The following ATP11C variants were observed in gnomAD, a reference collection of about 807,000 sequenced individuals.
ATP11C encodes ATPase phospholipid transporting 11C (ATP11C blood group), also known as phospholipid-transporting ATPase IG.
ATP11C carries 36 observed loss-of-function variants against 97.4 expected under a neutral mutation model. The observed-to-expected ratio is 0.37, with a 90% CI of 0.28 to 0.49. The LOEUF is 0.49. Ranked by LOEUF, ATP11C falls within the 20% of genes least tolerant of loss-of-function variation. The pLI is 0.98. For missense variants in ATP11C, 730 were observed against 824.6 expected, an observed-to-expected ratio of 0.89 and a Z score of 1.40; for synonymous variants, 275 against 290.9, an observed-to-expected ratio of 0.95 and a Z score of 0.56.
At chrX:139,936,258 GA>G (rs2085515165), upstream of ATP11C, among the ~76,000 whole-genome samples, 1 of 111,620 alleles carries the variant, frequency 9.0e-6, no homozygotes, top group African/African-American at 3.3e-5. Flanking sequence ...ACATCCTTCA[GA>G]GTCACTCCTT....
chrX:139,905,868 C>A (rs994410350), intron 1 of ATP11C, among the ~76,000 whole-genome samples: 2 of 111,480 alleles, frequency 1.8e-5, no homozygotes, highest in Non-Finnish European at 3.8e-5. Flanking sequence ...AATGAAAATA[C>A]TTCCACTCTT....
intron 1 of ATP11C, among the ~76,000 whole-genome samples, chrX:139,838,630 T>C (rs1182873774): frequency 8.9e-6 from 1 of 112,417 alleles, no homozygotes; most frequent in African/African-American, 3.2e-5. Context: ...AACTTGTGCA[T>C]GCATGATCAT....
chrX:139,769,277 CATACATATATATATATATATATATAT>C (rs1205801762), intron 19 of ATP11C, among the ~76,000 whole-genome samples: 8 of 34,546 alleles, frequency 2.3e-4, no homozygotes, highest in Non-Finnish European at 3.5e-4. Context: ...TTGGGGCAAA[CATACATATATATATATATATATATAT>C]ATATATATAT....
chrX:139,742,631 T>G (rs1170803008), intron 26 of ATP11C, among the ~76,000 whole-genome samples: 1 of 109,738 alleles, frequency 9.1e-6, no homozygotes, highest in Non-Finnish European at 1.9e-5. Context: ...CAAAAATAAT[T>G]TGATTATGCT....
chrX:139,782,276 A>G (rs5953664), intron 18 of ATP11C, among the ~76,000 whole-genome samples: 57,327 of 105,230 alleles, frequency 0.54, 13,892 homozygotes, highest in African/African-American at 0.89. Context: ...GCAGTGAGCC[A>G]AGACCGCGCC....
intron 25 of ATP11C, among the ~76,000 whole-genome samples, chrX:139,745,256 T>A (rs1436573557): frequency 9.0e-6 from 1 of 111,249 alleles, no homozygotes; most frequent in Non-Finnish European, 1.9e-5. Context: ...TGCAGAATAC[T>A]GTGCTTCCAT....
At chrX:139,928,797 T>C (rs2085390934) in intron 1 of ATP11C, among the ~76,000 whole-genome samples, 2 of 111,905 alleles carry the variant, frequency 1.8e-5, no homozygotes, top group South Asian at 7.4e-4. Context: ...TAAGCTTTCA[T>C]GTATCAAAGG....
At chrX:139,905,475 A>C (rs1458733706) in intron 1 of ATP11C, among the ~76,000 whole-genome samples, 3 of 111,767 alleles carry the variant, frequency 2.7e-5, no homozygotes, top group Non-Finnish European at 5.6e-5. Flanking sequence ...TTTTCATTAT[A>C]TAACAATGTT....
chrX:139,740,954 C>T, intron 27 of ATP11C, 37 bp downstream of exon 27: 1 of 893,152 alleles, frequency 1.1e-6, no homozygotes, highest in Non-Finnish European at 1.6e-6. Flanking sequence ...ATCTACTTTG[C>T]TATTTACATA....
At chrX:139,880,496 G>C (rs1449960230) in intron 1 of ATP11C, among the ~76,000 whole-genome samples, 1 of 111,794 alleles carries the variant, frequency 8.9e-6, no homozygotes, top group Non-Finnish European at 1.9e-5. Flanking sequence ...TGAGGAGGAG[G>C]AGGAGGAGGA....
At chrX:139,820,567 A>G (rs2083387041) in intron 2 of ATP11C, among the ~76,000 whole-genome samples, 1 of 110,392 alleles carries the variant, frequency 9.1e-6, no homozygotes, top group South Asian at 3.9e-4. Flanking sequence ...ACAGCTGGGA[A>G]GGTGTATACA....
At chrX:139,790,520 C>T (rs907698014) in intron 12 of ATP11C, among the ~76,000 whole-genome samples, 3 of 109,807 alleles carry the variant, frequency 2.7e-5, no homozygotes, top group South Asian at 4.0e-4. Flanking sequence ...TGGGCTAGTA[C>T]GTACATTACC....
At position 139,897,880 on chromosome X, in the gene ATP11C, T is replaced by C. The variant is rs753735173; in HGVS notation, c.27+34136A>G. 1.4e-4 allele frequency among the ~76,000 whole-genome samples: 15 copies of C among 104,639 alleles called. No homozygotes were observed. In the East Asian group the frequency reaches 4.3e-3, roughly 30 times the overall value. 90.9% of individuals were successfully genotyped at this position (104,639 alleles called of 115,157 possible). ...CGGGGAAGTCAAGGCTGCAGTGAGCTATGATCATGCCACTGCACTCCAGCC... is the reference window on the plus strand; with the variant it reads ...CGGGGAAGTCAAGGCTGCAGTGAGCCATGATCATGCCACTGCACTCCAGCC... On this transcript the variant is annotated intron_variant, in intron 1 of 29. Coordinates refer to ENST00000682941, the MANE Select transcript of ATP11C (RefSeq NM_001353812.2).
chrX:139,760,360 T>C (rs1167268807), intron 22 of ATP11C, among the ~76,000 whole-genome samples: 1 of 112,110 alleles, frequency 8.9e-6, no homozygotes, highest in African/African-American at 3.2e-5. Context: ...CAGCAGATAC[T>C]GGCTACCAGG....
chrX:139,742,910 TATAA>T (rs1569426414), intron 26 of ATP11C, among the ~76,000 whole-genome samples: 4 of 84,548 alleles, frequency 4.7e-5, no homozygotes, highest in African/African-American at 1.8e-4. Context: ...TATATATATA[TATAA>T]AAATAGAGAC....
At position 139,774,851 on chromosome X, in the gene ATP11C, G is replaced by A; in HGVS notation, c.2055C>T (p.Cys685=). ...GDKMETAKST[C]YACRLFQTNT... is the part of the protein sequence containing the mutation. ...TGGTCTGGAAAAGGCGGCAGGCATA[G>A]CATGTGGATTTAGCTGTCTCCATCT... The change falls in exon 19 of 30, where the codon TGC becomes TGT. Residue 685 remains cysteine (C), a synonymous_variant. Transcript: ENST00000682941. 1 of 1,211,798 alleles carries A rather than the reference G, an allele frequency of 8.3e-7. No individual in the cohort carries two copies. The highest frequency in any genetic ancestry group is 1.7e-5 in the African/African-American group (1 of 57,778).
chrX:139,891,386 TTAAAA>T (rs1230742955), intron 1 of ATP11C, among the ~76,000 whole-genome samples: 1 of 111,237 alleles, frequency 9.0e-6, no homozygotes, highest in Non-Finnish European at 1.9e-5. Flanking sequence ...TACCCCGAAC[TTAAAA>T]TAAAAGTTAA....
chrX:139,928,519 T>A (rs2085387383), intron 1 of ATP11C, among the ~76,000 whole-genome samples: 1 of 112,274 alleles, frequency 8.9e-6, no homozygotes, highest in African/African-American at 3.2e-5. Context: ...ACTATTTTCT[T>A]AATTGCCTCC....
intron 20 of ATP11C, among the ~76,000 whole-genome samples, chrX:139,766,159 G>A (rs770508791): frequency 1.6e-4 from 18 of 112,315 alleles, no homozygotes; most frequent in African/African-American, 4.5e-4. Context: ...TTGGATTGGA[G>A]ATAGTGACTT....
Sources: allele counts gnomAD v4.1 joint callset (sites outside exome capture counted in the v4.1 genomes callset), GRCh38; gene constraint gnomAD v4.1.1; transcripts MANE v1.5; gene names NCBI Gene and HGNC (gene_info 2026-07-23, HGNC 2026-07-21).